ZNF16: variants seen among roughly 807,000 people sequenced by gnomAD.
ZNF16 encodes the protein zinc finger protein KOX9.
ZNF16 carries 7 observed loss-of-function variants against 9.0 expected under a neutral mutation model. The ratio of observed to expected loss-of-function variants is 0.78; its 90% CI spans 0.44 to 1.47. The LOEUF (loss-of-function observed/expected upper bound fraction) is 1.47, where lower values mean the gene tolerates loss of function less well. ZNF16 is among the 40% of genes most tolerant of loss of function. ZNF16 has a pLI of 0.01. For missense variants in ZNF16, 830 were observed against 854.2 expected, an observed-to-expected ratio of 0.97 and a Z score of 0.35; for synonymous variants, 312 against 301.5, an observed-to-expected ratio of 1.03 and a Z score of -0.36.
At chr8:144,934,264 A>G (rs1833629315) in intron 2 of ZNF16, among the ~76,000 whole-genome samples, 1 of 152,174 alleles carries the variant, frequency 6.6e-6, no homozygotes, top group South Asian at 2.1e-4. Flanking sequence ...GTGCAGACAC[A>G]TCGTGCTGTG....
At position 144,931,029 on chromosome 8, in the gene ZNF16, T is replaced by A. The variant is rs773123521; in HGVS notation, c.1758A>T (p.Ser586=). The part of the protein sequence containing the change: ...NQCGKAFNRS[S]NLIHHQKVHT... Reference sequence around the variant, plus strand: ...GAACTTTCTGGTGGTGAATGAGATTTGAGCTTCGGTTGAAGGCTTTACCAC... The same window carrying A: ...GAACTTTCTGGTGGTGAATGAGATTAGAGCTTCGGTTGAAGGCTTTACCAC... The change falls in exon 3 of 3, where the codon TCA becomes TCT. Residue 586 remains serine, a synonymous_variant. Coordinates refer to ENST00000394909, the MANE Select transcript of ZNF16 (RefSeq NM_006958.3). 3.7e-6 allele frequency: 6 copies of A among 1,614,096 alleles called. No homozygotes were observed. Among genetic ancestry groups the A allele is most frequent in the Non-Finnish European group, 5.1e-6 (6 of 1,180,038 alleles).
chr8:144,943,745 C>G (rs1833858363), intron 2 of ZNF16, among the ~76,000 whole-genome samples: 1 of 152,156 alleles, frequency 6.6e-6, no homozygotes, highest in African/African-American at 2.4e-5. Context: ...CTCTCGATCT[C>G]CTGACCTCAA....
intron 2 of ZNF16, among the ~76,000 whole-genome samples, chr8:144,936,984 C>T (rs1045692455): frequency 1.6e-4 from 24 of 151,978 alleles, no homozygotes; most frequent in Non-Finnish European, 2.6e-4. Flanking sequence ...TGTGAGCCAC[C>T]GTGCCCAGCC....
chr8:144,945,143 T>C (rs1449980244), intron 2 of ZNF16: 1 of 151,446 alleles, frequency 6.6e-6, no homozygotes, highest in Non-Finnish European at 1.5e-5. Context: ...TTCAAATTTA[T>C]GTATTTTTTT....
chr8:144,932,721 AG>A lies in ZNF16; in HGVS notation c.197-132del, dbSNP rs1315783848. ...AGGGGATCCTCTGGGGTGGCAGTCC[AG>A]ATCAGAGGGCATCAGGGAGGGGTGG... is the stretch of plus-strand genomic sequence containing the variant. On this transcript the variant is annotated intron_variant, in intron 2 of 2. Coordinates refer to ENST00000394909, the MANE Select transcript of ZNF16 (RefSeq NM_006958.3). This position sits in a 1 kb window ranked among gnomAD's most constrained non-coding sequence, Gnocchi z 5.0. 5.3e-5 allele frequency: 47 copies of A among 892,784 alleles called. No homozygotes were observed. The African/African-American group carries it at 7.1e-4, about 13-fold the overall frequency. The allele number at this position is 892,784 out of a possible 1,614,324, so 55.3% of individuals were successfully genotyped here.
intron 2 of ZNF16, among the ~76,000 whole-genome samples, chr8:144,940,319 G>T (rs1354322288): frequency 6.6e-6 from 1 of 152,052 alleles, no homozygotes; most frequent in Non-Finnish European, 1.5e-5. Context: ...GGGCTTAAGC[G>T]ATCCACCCAC....
intron 2 of ZNF16, 125 bp downstream of exon 2, chr8:144,945,886 G>C: frequency 6.8e-7 from 1 of 1,470,480 alleles, no homozygotes; most frequent in Non-Finnish European, 9.0e-7. Flanking sequence ...GGCTCCTTGA[G>C]TCAGAGTACC....
At position 144,934,941 on chromosome 8, in the gene ZNF16, G is replaced by C. The variant is rs537571625; in HGVS notation, c.197-2351C>G. On this transcript the variant is annotated intron_variant, in intron 2 of 2. Coordinates refer to ENST00000394909, the MANE Select transcript of ZNF16 (RefSeq NM_006958.3). ...TAGCTGGATTTGGTGACCTCTGGCT[G>C]AGATGAGATGTCACTGGTGTGGATG... Among the ~76,000 whole-genome samples, 6 of 152,298 alleles carry C rather than the reference G, an allele frequency of 3.9e-5. No homozygotes were observed. In the East Asian group the frequency reaches 1.2e-3, roughly 29 times the overall value.
chr8:144,936,922 T>C (rs1450784722), intron 2 of ZNF16, among the ~76,000 whole-genome samples: 1 of 152,124 alleles, frequency 6.6e-6, no homozygotes, highest in Non-Finnish European at 1.5e-5. Context: ...CTTAAACTCC[T>C]GACCTCAAGT....
chr8:144,935,327 C>T (rs971521717), intron 2 of ZNF16, among the ~76,000 whole-genome samples: 6 of 151,998 alleles, frequency 3.9e-5, no homozygotes, highest in Admixed American at 2.0e-4. Context: ...CTCAGCCTCC[C>T]GAGTAGCTGG....
rs1436234840 is a variant in ZNF16, at chr8:144,933,545, CTCAT to C, written c.197-959_197-956del. On this transcript the variant is annotated intron_variant, in intron 2 of 2. Coordinates refer to ENST00000394909, the MANE Select transcript of ZNF16 (RefSeq NM_006958.3). The surrounding 1 kb of genome is among the most constrained non-coding windows in gnomAD (Gnocchi z 5.6). ...ACTCAAATGAAGATGTCACGAGTCT[CTCAT>C]TCAAACTGACATCCCAGGCCACACT... Among the ~76,000 whole-genome samples, 1 of 152,140 alleles carries C rather than the reference CTCAT, an allele frequency of 6.6e-6. No homozygotes were observed. Among genetic ancestry groups the C allele is most frequent in the Non-Finnish European group, 1.5e-5 (1 of 68,026 alleles).
chr8:144,936,541 CTCTTTTA>C (rs1833686237), intron 2 of ZNF16, among the ~76,000 whole-genome samples: 1 of 152,106 alleles, frequency 6.6e-6, no homozygotes, highest in Non-Finnish European at 1.5e-5. Flanking sequence ...TCTCCACATC[CTCTTTTA>C]TCTTTTGTTT....
chr8:144,932,121 AG>A lies in ZNF16; in HGVS notation c.665del (p.Pro222LeufsTer8). The stretch of plus-strand genomic sequence containing the variant: ...GGACTATTTGACGCTGAATAAGGTC[AG>A]GATTTCCTTGGAAGGTTTTCCCACA... Reference protein sequence around the residue: ...NECGKTFQGNPDLIQRQIVHT... With the variant: ...NECGKTFQGNXDLIQRQIVHT... On this transcript the variant is annotated frameshift_variant, in exon 3 of 3. Coordinates refer to ENST00000394909, the MANE Select transcript of ZNF16 (RefSeq NM_006958.3). LOFTEE classifies it low-confidence loss of function (END_TRUNC). The surrounding 1 kb of genome is among the most constrained non-coding windows in gnomAD (Gnocchi z 5.0). 6.2e-7 allele frequency: 1 copy of A among 1,614,168 alleles called. No homozygotes were observed.
chr8:144,946,337 C>T, intron 1 of ZNF16, 122 bp from the exon 2 acceptor site: 4 of 942,182 alleles, frequency 4.2e-6, no homozygotes, highest in Non-Finnish European at 4.4e-6. Context: ...GGGCCTGGTG[C>T]TGCCAGGTCT....
Position 144,933,408 on chromosome 8 carries a change from C to T in ZNF16, c.197-818G>A, listed in dbSNP as rs373001953. ...CTCGTAACAATGTGCGTCATCTTTC[C>T]GCAGACAGAAATGCACACAAAGCTC... On this transcript the variant is annotated intron_variant, in intron 2 of 2. Coordinates refer to ENST00000394909, the MANE Select transcript of ZNF16 (RefSeq NM_006958.3). The surrounding 1 kb of genome is among the most constrained non-coding windows in gnomAD (Gnocchi z 5.6). Among the ~76,000 whole-genome samples, 3 of 152,152 alleles carry T rather than the reference C, an allele frequency of 2.0e-5. No individual in the cohort carries two copies. Among genetic ancestry groups the T allele is most frequent in the Admixed American group, 6.5e-5 (1 of 15,274 alleles).
chr8:144,932,431 C>T lies in ZNF16; in HGVS notation c.356G>A (p.Gly119Glu), dbSNP rs1833579049. The T allele has an allele frequency of 1.2e-6, 2 of 1,614,058 alleles. No homozygotes were observed. Among genetic ancestry groups the T allele is most frequent in the Non-Finnish European group, 1.7e-6 (2 of 1,180,028 alleles). The change falls in exon 3 of 3, where the codon GGA becomes GAA. Residue 119 changes from glycine (G) to glutamate (E), a missense_variant. Gly to Glu is a moderately conservative substitution (Grantham distance 98). Transcript: ENST00000394909. The surrounding 1 kb of genome is among the most constrained non-coding windows in gnomAD (Gnocchi z 5.0). The stretch of plus-strand genomic sequence containing the variant: ...TGGCAGCCTCCTGCCTTCGGGGACT[C>T]CCCAGTCTCTTTCTGATACATCATC... Reference protein sequence around the residue: ...LCDDVSERDWGVPEGRRLPQS... With the variant: ...LCDDVSERDWEVPEGRRLPQS...
intron 2 of ZNF16, among the ~76,000 whole-genome samples, chr8:144,934,361 G>A (rs2471923): frequency 6.6e-6 from 1 of 152,214 alleles, no homozygotes; most frequent in African/African-American, 2.4e-5. Context: ...GCTGCCCTAC[G>A]TGCCAGCACA....
intron 2 of ZNF16, among the ~76,000 whole-genome samples, chr8:144,940,294 T>C (rs374475533): frequency 3.3e-5 from 5 of 152,186 alleles, no homozygotes; most frequent in African/African-American, 7.2e-5. Context: ...TTGCCCAGGC[T>C]GGTCTCGAAC....
intron 2 of ZNF16, among the ~76,000 whole-genome samples, chr8:144,938,094 G>A (rs571196610): frequency 3.3e-5 from 5 of 152,322 alleles, no homozygotes; most frequent in East Asian, 1.9e-4. Context: ...ATATGTATGC[G>A]TTTATTTCTG....
Sources: gnomAD v4.1 joint callset for allele counts (sites outside exome capture counted in the v4.1 genomes callset) on GRCh38, gnomAD v4.1.1 for gene constraint, Gnocchi (gnomAD v3.1) non-coding constraint, MANE v1.5 for transcripts, NCBI Gene and HGNC (gene_info 2026-07-23, HGNC 2026-07-21) for gene names.